ZNF292: variants seen among roughly 807,000 people sequenced by gnomAD.
ZNF292 encodes the protein 16 zinc-finger domain protein.
Under a neutral mutation model 217.9 loss-of-function variants are expected in ZNF292, and 26 were observed. The observed-to-expected ratio is 0.12, with a 90% CI of 0.09 to 0.17. ZNF292 has a LOEUF of 0.17. ZNF292 is among the 10% of genes least tolerant of loss of function. ZNF292 has a pLI of 1.00. For synonymous variants in ZNF292, 1,257 were observed against 1,124.1 expected (o/e 1.12, Z -2.37); for missense variants, 2,904 against 3,175.2 (o/e 0.91, Z 2.05).
intron 1 of ZNF292, among the ~76,000 whole-genome samples, chr6:87,156,034 GC>G (rs1166611199): frequency 6.6e-6 from 1 of 152,232 alleles, no homozygotes; most frequent in East Asian, 1.9e-4. Context: ...CGCGGTCCCC[GC>G]GGCTGAGGAA....
intron 1 of ZNF292, among the ~76,000 whole-genome samples, chr6:87,188,712 G>A (rs192240024): frequency 2.6e-4 from 37 of 145,026 alleles, no homozygotes; most frequent in African/African-American, 8.7e-4. Context: ...ATAGCCAGCC[G>A]TAGTAATTTT....
Position 87,255,522 on chromosome 6 carries a change from G to A in ZNF292, c.1893G>A (p.Glu631=). ...AGACTAATACTGTGGCTAAACAGGA[G>A]CAGCGACCTATAAAAAAGAATAGTC... ...NQKTNTVAKQ[E]QRPIKKNSLY... The change falls in exon 8 of 8, where the codon GAG becomes GAA. Residue 631 remains glutamate, a synonymous_variant. Coordinates refer to ENST00000369577, the MANE Select transcript of ZNF292 (RefSeq NM_015021.3). 6.2e-7 allele frequency: 1 copy of A among 1,612,840 alleles called. No homozygotes were observed. Among genetic ancestry groups the A allele is most frequent in the Non-Finnish European group, 8.5e-7 (1 of 1,179,418 alleles).
At chr6:87,196,988 C>A (rs1771968442) in intron 1 of ZNF292, among the ~76,000 whole-genome samples, 1 of 152,142 alleles carries the variant, frequency 6.6e-6, no homozygotes, top group Admixed American at 6.5e-5. Flanking sequence ...ATATTAAATT[C>A]TTGCAGTGTG....
At chr6:87,247,170 T>TCAAAAAAAAAAAAAAA (rs1562173027) in intron 7 of ZNF292, among the ~76,000 whole-genome samples, 3 of 137,566 alleles carry the variant, frequency 2.2e-5, no homozygotes, top group Non-Finnish European at 4.6e-5. Context: ...AGACTTGGTC[T>TCAAAAAAAAAAAAAAA]TAAAAAAAAA....
chr6:87,170,323 A>G (rs1372334856), intron 1 of ZNF292: 1 of 152,204 alleles, frequency 6.6e-6, no homozygotes, highest in African/African-American at 2.4e-5. Flanking sequence ...GATAGTGCAC[A>G]TTGCATAAAA....
At chr6:87,201,513 T>A (rs1368491119) in intron 1 of ZNF292, among the ~76,000 whole-genome samples, 1 of 152,210 alleles carries the variant, frequency 6.6e-6, no homozygotes, top group Non-Finnish European at 1.5e-5. Flanking sequence ...CAAGCGATTC[T>A]CCTGCCTCAG....
intron 1 of ZNF292, among the ~76,000 whole-genome samples, chr6:87,161,243 T>C (rs1473171174): frequency 6.6e-6 from 1 of 152,164 alleles, no homozygotes; most frequent in African/African-American, 2.4e-5. Context: ...TTTGATATAA[T>C]AAATTCTGTA....
At chr6:87,180,660 A>G (rs1382491771) in intron 1 of ZNF292, among the ~76,000 whole-genome samples, 2 of 140,956 alleles carry the variant, frequency 1.4e-5, no homozygotes, top group East Asian at 2.0e-4. Flanking sequence ...TGTATGCTCA[A>G]CCTCGAGCCC....
At chr6:87,230,909 A>G (rs1773619006) in intron 4 of ZNF292, among the ~76,000 whole-genome samples, 1 of 152,192 alleles carries the variant, frequency 6.6e-6, no homozygotes, top group African/African-American at 2.4e-5. Context: ...CTGTGAATAT[A>G]GAGAAAACAT....
chr6:87,228,156 C>G lies in ZNF292; in HGVS notation c.539-5169C>G, dbSNP rs80295854. On this transcript the variant is annotated intron_variant, in intron 4 of 7. Coordinates refer to ENST00000369577, the MANE Select transcript of ZNF292 (RefSeq NM_015021.3). ...TCCTACTGGGTGTGAGGTGATATCT[C>G]ATTGTGATTTTCATTTGCAGTTCTC... Among the ~76,000 whole-genome samples, 172 of 152,224 alleles carry G rather than the reference C, an allele frequency of 1.1e-3. 6 individuals carry two copies. In the East Asian group the frequency reaches 0.026, roughly 23 times the overall value.
chr6:87,256,969 A>G lies in ZNF292; in HGVS notation c.3340A>G (p.Ser1114Gly), dbSNP rs1426309179. ...GCTRTYNSSQ[S>G]IGKHMKTAHP... is the part of the protein sequence containing the mutation. ...TACTCGAACCTATAATTCTTCACAG[A>G]GTATTGGGAAACACATGAAGACAGC... The change falls in exon 8 of 8, where the codon AGT becomes GGT. Residue 1114 changes from serine to glycine, a missense_variant. Physicochemically the swap from Ser to Gly is moderately conservative, Grantham distance 56. Around this residue, in one of 15 missense-constraint regions of ZNF292, gnomAD observed 687 missense variants for 623.0 expected, o/e 1.10. Coordinates refer to ENST00000369577, the MANE Select transcript of ZNF292 (RefSeq NM_015021.3). 6.2e-7 allele frequency: 1 copy of G among 1,613,684 alleles called. No homozygotes were observed. The highest frequency in any genetic ancestry group is 1.7e-5 in the Admixed American group (1 of 59,918).
Position 87,265,618 on chromosome 6 carries a change from C to G in ZNF292, c.*3817C>G, listed in dbSNP as rs1161009624. 6.6e-6 allele frequency among the ~76,000 whole-genome samples: 1 copy of G among 152,122 alleles called. No individual in the cohort carries two copies. The highest frequency in any genetic ancestry group is 2.4e-5 in the African/African-American group (1 of 41,430). ...GGGAATTTTCCAGACTTAATTGACC[C>G]TGAGAACATTTTTCTTCTTTTAATG... is the stretch of plus-strand genomic sequence containing the variant. On this transcript the variant is annotated 3_prime_UTR_variant, in exon 8 of 8. Coordinates refer to ENST00000369577, the MANE Select transcript of ZNF292 (RefSeq NM_015021.3).
intron 7 of ZNF292, among the ~76,000 whole-genome samples, chr6:87,253,082 C>CTT (rs11387490): frequency 2.3e-4 from 33 of 146,122 alleles, no homozygotes; most frequent in Admixed American, 1.1e-3. Flanking sequence ...AATTTTTTTT[C>CTT]TTTTTTTTTT....
rs766672958 is a variant in ZNF292 at position 87,261,206 on chromosome 6, A to C, written c.7577A>C (p.Lys2526Thr). The change falls in exon 8 of 8, where the codon AAA becomes ACA. Residue 2526 changes from lysine (K) to threonine (T), a missense_variant. Around this residue, in one of 15 missense-constraint regions of ZNF292, gnomAD observed 380 missense variants for 355.3 expected, o/e 1.07. Transcript: ENST00000369577. ...AACCTCTGCCAGTCAGAAAGACAAAAAGCAAGTAATTTGAAGAGAGTTAAT... is the reference window on the plus strand; with the variant it reads ...AACCTCTGCCAGTCAGAAAGACAAACAGCAAGTAATTTGAAGAGAGTTAAT... ...EDNLCQSERQ[K>T]ASNLKRVNKE... is the part of the protein sequence containing the mutation. 2.5e-6 allele frequency: 4 copies of C among 1,611,152 alleles called. No homozygotes were observed. In the South Asian group the frequency reaches 4.4e-5, roughly 18 times the overall value.
At position 87,261,768 on chromosome 6, in the gene ZNF292, T is replaced by C; in HGVS notation, c.8139T>C (p.Ser2713=). The C allele has an allele frequency of 1.2e-6, 2 of 1,612,430 alleles. No individual in the cohort carries two copies. The highest frequency in any genetic ancestry group is 3.3e-5 in the Admixed American group (2 of 59,870). The change falls in exon 8 of 8, where the codon AGT becomes AGC. Residue 2713 remains serine (S), a synonymous_variant. Coordinates refer to ENST00000369577, the MANE Select transcript of ZNF292 (RefSeq NM_015021.3). Reference sequence around the variant, plus strand: ...ATATGTCTGTTATGAAAGATATCAGTATAGGTAAAGCCACAGGCAGAGGTC... The same window carrying C: ...ATATGTCTGTTATGAAAGATATCAGCATAGGTAAAGCCACAGGCAGAGGTC... The part of the protein sequence containing the change: ...DPDMSVMKDI[S]IGKATGRGQY
rs562024348 is a variant in ZNF292 at position 87,234,338 on chromosome 6, C to G, written c.741+811C>G. On this transcript the variant is annotated intron_variant, in intron 5 of 7. Coordinates refer to ENST00000369577, the MANE Select transcript of ZNF292 (RefSeq NM_015021.3). Reference sequence around the variant, plus strand: ...CTTTGGGAGGCCGAGGCGGGCGGATCACGAGGTCAGGAGTTTGAGACCAGC... The same window carrying G: ...CTTTGGGAGGCCGAGGCGGGCGGATGACGAGGTCAGGAGTTTGAGACCAGC... Among the ~76,000 whole-genome samples the G allele has an allele frequency of 9.9e-5, 15 of 152,232 alleles. 1 individual carries two copies. In the East Asian group the frequency reaches 1.9e-3, roughly 20 times the overall value.
chr6:87,163,011 A>C (rs1440231634), intron 1 of ZNF292, among the ~76,000 whole-genome samples: 1 of 152,166 alleles, frequency 6.6e-6, no homozygotes, highest in Non-Finnish European at 1.5e-5. Flanking sequence ...GAGCCTCCTG[A>C]TTCATTGTTT....
Position 87,255,962 on chromosome 6 carries a change from G to C in ZNF292, c.2333G>C (p.Arg778Thr). The C allele has an allele frequency of 1.2e-6, 2 of 1,611,854 alleles. No individual in the cohort carries two copies. Among genetic ancestry groups the C allele is most frequent in the Non-Finnish European group, 1.7e-6 (2 of 1,178,776 alleles). Residue 778 changes from arginine (R) to threonine (T), a missense_variant, in exon 8 of 8, where the codon AGA becomes ACA. Physicochemically the swap from Arg to Thr is moderately conservative, Grantham distance 71. Around this residue, in one of 15 missense-constraint regions of ZNF292, gnomAD observed 216 missense variants for 308.3 expected, o/e 0.70. Coordinates refer to ENST00000369577, the MANE Select transcript of ZNF292 (RefSeq NM_015021.3). ...CACCGAAAGGAGCATCAAGTCTTTA[G>C]AGCAAAATGTATGTTTCCTAAATGT... ...LTHRKEHQVFRAKCMFPKCGR... is the reference protein window; with the variant it reads ...LTHRKEHQVFTAKCMFPKCGR...
In ZNF292 at chr6:87,259,305, T is replaced by G. The variant is rs747364396; in HGVS notation, c.5676T>G (p.Ile1892Met). Reference protein sequence around the residue: ...VIQPVSEMINIQFNDKVNKPF... With the variant: ...VIQPVSEMINMQFNDKVNKPF... ...AGCCAGTTTCTGAAATGATAAACAT[T>G]CAATTTAATGACAAAGTTAATAAAC... The change falls in exon 8 of 8, where the codon ATT becomes ATG. Residue 1892 changes from isoleucine to methionine, a missense_variant. Ile to Met is a conservative substitution (Grantham distance 10). This residue lies in a region of ZNF292 where 622 missense variants were observed against 573.1 expected (regional missense o/e 1.09). Coordinates refer to ENST00000369577, the MANE Select transcript of ZNF292 (RefSeq NM_015021.3). 4.2e-5 allele frequency: 67 copies of G among 1,613,422 alleles called. No individual in the cohort carries two copies. The highest frequency in any genetic ancestry group is 5.5e-5 in the Non-Finnish European group (65 of 1,179,632).
Sources: allele counts gnomAD v4.1 joint callset (sites outside exome capture counted in the v4.1 genomes callset), GRCh38; gene constraint gnomAD v4.1.1; regional missense constraint gnomAD v4.1.1; transcripts MANE v1.5; gene names NCBI Gene and HGNC (gene_info 2026-07-23, HGNC 2026-07-21).